ADRA1A: variants seen among roughly 807,000 people sequenced by gnomAD.
The protein encoded by ADRA1A is adrenoceptor alpha 1A, also known as alpha-1A adrenergic receptor.
In ADRA1A, 31 loss-of-function variants were observed where a neutral mutation model predicts 29.6. That is an observed-to-expected ratio of 1.05 (90% CI 0.79 to 1.41). ADRA1A has a LOEUF of 1.41. Ranked by LOEUF, ADRA1A falls within the 40% of genes most tolerant of loss-of-function variation. The probability of loss-of-function intolerance (pLI) is 0.00; values close to 1 mark genes in which losing one functional copy is unlikely to be tolerated. For missense variants in ADRA1A, 619 were observed against 601.1 expected, an observed-to-expected ratio of 1.03 and a Z score of -0.31; for synonymous variants, 311 against 254.3, an observed-to-expected ratio of 1.22 and a Z score of -2.12.
At chr8:26,784,258 C>T (rs1225646232) in intron 2 of ADRA1A, among the ~76,000 whole-genome samples, 1 of 152,150 alleles carries the variant, frequency 6.6e-6, no homozygotes, top group Non-Finnish European at 1.5e-5. Flanking sequence ...CCCTGGTACC[C>T]GTTGTGATTT....
intron 2 of ADRA1A, among the ~76,000 whole-genome samples, chr8:26,759,330 G>A (rs1805376172): frequency 6.6e-6 from 1 of 152,152 alleles, no homozygotes; most frequent in African/African-American, 2.4e-5. Flanking sequence ...GCAAGCAAGG[G>A]ACCTCAGTTT....
chr8:26,837,387 A>G (rs1161750051), intron 2 of ADRA1A, among the ~76,000 whole-genome samples: 5 of 152,162 alleles, frequency 3.3e-5, no homozygotes, highest in Non-Finnish European at 5.9e-5. Context: ...ATGGCAACTC[A>G]CACCGGTAAT....
In ADRA1A at chr8:26,815,174, A is replaced by G. The variant is rs1416602701; in HGVS notation, c.884-44508T>C. 3.9e-5 allele frequency among the ~76,000 whole-genome samples: 6 copies of G among 152,230 alleles called. No homozygotes were observed. The stretch of plus-strand genomic sequence containing the variant: ...TCCTCACCAAGACTTACTGGGTTAA[A>G]TCTTGTGGTAAACTATAATAGGATA... On this transcript the variant is annotated intron_variant, in intron 2 of 2. Transcript: ENST00000380573. This position sits in a 1 kb window ranked among gnomAD's most constrained non-coding sequence, Gnocchi z 4.2.
At chr8:26,789,499 A>C (rs970639405) in intron 2 of ADRA1A, among the ~76,000 whole-genome samples, 3 of 152,192 alleles carry the variant, frequency 2.0e-5, no homozygotes, top group Non-Finnish European at 4.4e-5. Context: ...CTCTCCCCTT[A>C]TATAAAAATT....
chr8:26,842,706 C>T (rs1811914581), intron 2 of ADRA1A, among the ~76,000 whole-genome samples: 2 of 152,182 alleles, frequency 1.3e-5, no homozygotes, highest in South Asian at 4.1e-4. Flanking sequence ...CCCACTTCCT[C>T]TGATTTCATG....
At chr8:26,748,642 G>T (rs1231983964) in exon 3 of ADRA1A, 6 of 389,702 alleles carry the variant, frequency 1.5e-5, no homozygotes, top group African/African-American at 2.2e-5. Context: ...AGTCCCAGCT[G>T]CTTGGGAGGC....
Position 26,860,242 on chromosome 8 carries a change from A to G in ADRA1A, c.883+3845T>C, listed in dbSNP as rs1268713621. ...CCTAGATGACTCCAGGACCCAGGCC[A>G]TTGTTTCTCATCTCTATGCATAGCT... On this transcript the variant is annotated intron_variant, in intron 2 of 2. Transcript: ENST00000380573. The surrounding 1 kb of genome is among the most constrained non-coding windows in gnomAD (Gnocchi z 4.7). Among the ~76,000 whole-genome samples the G allele has an allele frequency of 6.6e-6, 1 of 152,068 alleles. No homozygotes were observed. The highest frequency in any genetic ancestry group is 1.5e-5 in the Non-Finnish European group (1 of 67,994).
intron 2 of ADRA1A, among the ~76,000 whole-genome samples, chr8:26,791,633 A>G (rs1185980647): frequency 6.6e-6 from 1 of 152,148 alleles, no homozygotes; most frequent in African/African-American, 2.4e-5. Context: ...AAAGACTACA[A>G]GGGTCTGCCT....
chr8:26,782,195 G>A (rs184491868), intron 2 of ADRA1A, among the ~76,000 whole-genome samples: 2 of 152,300 alleles, frequency 1.3e-5, no homozygotes, highest in African/African-American at 2.4e-5. Context: ...ATTGGCTATA[G>A]GTCTCTGCTC....
At chr8:26,753,650 A>G (rs1805021745), downstream of ADRA1A, among the ~76,000 whole-genome samples, 1 of 152,220 alleles carries the variant, frequency 6.6e-6, no homozygotes, top group South Asian at 2.1e-4. Context: ...AGACAGTCTT[A>G]AAATAAATCT....
In ADRA1A at chr8:26,825,014, G is replaced by A. The variant is rs768434935; in HGVS notation, c.883+39073C>T. On this transcript the variant is annotated intron_variant, in intron 2 of 2. Coordinates refer to ENST00000380573, the MANE Select transcript of ADRA1A (RefSeq NM_000680.4). This position sits in a 1 kb window ranked among gnomAD's most constrained non-coding sequence, Gnocchi z 5.7. Reference sequence around the variant, plus strand: ...CATCGTAGTTCTTCTTGAACTAGCCGGCAGATCTGCAGTGTGGAATTGAGT... The same window carrying A: ...CATCGTAGTTCTTCTTGAACTAGCCAGCAGATCTGCAGTGTGGAATTGAGT... Among the ~76,000 whole-genome samples, 1 of 145,990 alleles carries A rather than the reference G, an allele frequency of 6.8e-6. No homozygotes were observed. The highest frequency in any genetic ancestry group is 1.5e-5 in the Non-Finnish European group (1 of 65,732).
intron 2 of ADRA1A, among the ~76,000 whole-genome samples, chr8:26,772,789 G>C (rs1806266596): frequency 6.6e-6 from 1 of 152,084 alleles, no homozygotes. Context: ...AGACACAATA[G>C]TGTGGTTGTT....
chr8:26,799,786 C>T (rs545015098), intron 2 of ADRA1A, among the ~76,000 whole-genome samples: 1 of 152,146 alleles, frequency 6.6e-6, no homozygotes, highest in South Asian at 2.1e-4. Context: ...GTAAATTAAA[C>T]AAACTAAATG....
At chr8:26,757,088 TCATCCTTG>T (rs747578221) in intron 2 of ADRA1A, 2 of 702,748 alleles carry the variant, frequency 2.8e-6, no homozygotes, top group African/African-American at 3.5e-5. Context: ...ACCAATCCGT[TCATCCTTG>T]CAGCTGCTTC....
intron 2 of ADRA1A, among the ~76,000 whole-genome samples, chr8:26,802,371 C>A (rs1554499410): frequency 6.6e-6 from 1 of 152,070 alleles, no homozygotes; most frequent in Non-Finnish European, 1.5e-5. Context: ...GCTCAAACAA[C>A]TCAATAAGAA....
At chr8:26,836,926 G>A (rs1811412126) in intron 2 of ADRA1A, among the ~76,000 whole-genome samples, 1 of 152,132 alleles carries the variant, frequency 6.6e-6, no homozygotes, top group South Asian at 2.1e-4. Context: ...AAAGAGCTGA[G>A]AGAAGGGCAA....
chr8:26,813,398 T>C (rs1200419828), intron 2 of ADRA1A, among the ~76,000 whole-genome samples: 1 of 152,208 alleles, frequency 6.6e-6, no homozygotes, highest in Non-Finnish European at 1.5e-5. Context: ...TTCTGCCTCA[T>C]TGAGCTTCCT....
rs1810989993 is a variant in ADRA1A, at chr8:26,831,741, CT to C, written c.883+32345del. ...TTTCACTCGCAGGGAATGAAGGACC[CT>C]TTTGGGCCTTGGGGGGAACACGCTG... is the stretch of plus-strand genomic sequence containing the variant. On this transcript the variant is annotated intron_variant, in intron 2 of 2. Coordinates refer to ENST00000380573, the MANE Select transcript of ADRA1A (RefSeq NM_000680.4). The surrounding 1 kb of genome is among the most constrained non-coding windows in gnomAD (Gnocchi z 5.2). Among the ~76,000 whole-genome samples the C allele has an allele frequency of 6.6e-6, 1 of 152,222 alleles. No homozygotes were observed. Among genetic ancestry groups the C allele is most frequent in the Admixed American group, 6.5e-5 (1 of 15,286 alleles).
rs1463245721 is a variant in ADRA1A, at chr8:26,806,282, TGG to T, written c.884-35618_884-35617del. 1.3e-5 allele frequency among the ~76,000 whole-genome samples: 2 copies of T among 151,602 alleles called. No individual in the cohort carries two copies. Among genetic ancestry groups the T allele is most frequent in the African/African-American group, 4.9e-5 (2 of 41,016 alleles). ...ACAAGGTGGAACTGGCCCCAGAAGCTGGGTGTTTACACCAAAGATTTTTTTTT... is the reference window on the plus strand; with the variant it reads ...ACAAGGTGGAACTGGCCCCAGAAGCTGTGTTTACACCAAAGATTTTTTTTT... On this transcript the variant is annotated intron_variant, in intron 2 of 2. Coordinates refer to ENST00000380573, the MANE Select transcript of ADRA1A (RefSeq NM_000680.4). The surrounding 1 kb of genome is among the most constrained non-coding windows in gnomAD (Gnocchi z 4.6).
Sources: gnomAD v4.1 joint callset for allele counts (sites outside exome capture counted in the v4.1 genomes callset) on GRCh38, gnomAD v4.1.1 for gene constraint, Gnocchi (gnomAD v3.1) non-coding constraint, MANE v1.5 for transcripts, NCBI Gene and HGNC (gene_info 2026-07-23, HGNC 2026-07-21) for gene names.